The following DOCK5 variants were observed in gnomAD, a reference collection of about 807,000 sequenced individuals.
DOCK5 encodes the protein dedicator of cytokinesis protein 5.
DOCK5 carries 142 observed loss-of-function variants against 251.8 expected under a neutral mutation model. That is an observed-to-expected ratio of 0.56 (90% CI 0.49 to 0.65). DOCK5 has a LOEUF of 0.65. Ranked by LOEUF, DOCK5 falls within the 30% of genes least tolerant of loss-of-function variation. The pLI is 0.00. For synonymous variants in DOCK5, 842 were observed against 835.5 expected (o/e 1.01, Z -0.13); for missense variants, 2,111 against 2,312.3 (o/e 0.91, Z 1.79).
intron 1 of DOCK5, among the ~76,000 whole-genome samples, chr8:25,191,917 C>A: frequency 9.5e-6 from 1 of 105,348 alleles, no homozygotes; most frequent in Non-Finnish European, 1.8e-5. Flanking sequence ...TCCCTCCCCC[C>A]TCCCCCCACC....
chr8:25,380,447 A>T (rs17053525), intron 39 of DOCK5, 53 bp downstream of exon 39: 6 of 1,435,196 alleles, frequency 4.2e-6, no homozygotes, highest in Non-Finnish European at 4.8e-6. Flanking sequence ...TAAAATTAGC[A>T]CTCATGAAAA....
intron 38 of DOCK5, among the ~76,000 whole-genome samples, chr8:25,379,220 AC>A (rs1205508555): frequency 1.3e-5 from 2 of 152,252 alleles, no homozygotes; most frequent in Admixed American, 6.5e-5. Flanking sequence ...GAATTTCCCA[AC>A]CCTAGTAAAC....
At chr8:25,370,013 G>T (rs537541657) in intron 34 of DOCK5, among the ~76,000 whole-genome samples, 11 of 152,336 alleles carry the variant, frequency 7.2e-5, no homozygotes, top group African/African-American at 2.6e-4. Flanking sequence ...AAGGTCTGCT[G>T]TGTATGTAAA....
At chr8:25,245,678 T>C (rs1803083797) in intron 2 of DOCK5, among the ~76,000 whole-genome samples, 1 of 152,046 alleles carries the variant, frequency 6.6e-6, no homozygotes, top group Non-Finnish European at 1.5e-5. Flanking sequence ...TAGCTGAGAT[T>C]ACAGGCATAT....
chr8:25,362,462 C>CTTTTCTTTT (rs1800703206), intron 28 of DOCK5, among the ~76,000 whole-genome samples: 2 of 54,636 alleles, frequency 3.7e-5, no homozygotes, highest in African/African-American at 1.2e-4. Flanking sequence ...CTTTTCTTTT[C>CTTTTCTTTT]TTTTTTTTTT....
At chr8:25,351,241 G>C (rs1047146765) in intron 26 of DOCK5, among the ~76,000 whole-genome samples, 1 of 152,036 alleles carries the variant, frequency 6.6e-6, no homozygotes. Flanking sequence ...GTATTTTTTA[G>C]TAGAGACGGG....
In DOCK5 at chr8:25,184,837, G is replaced by GGGC. The variant is rs538644542; in HGVS notation, c.-62_-60dup. 5,252 of 1,246,588 alleles carry GGGC rather than the reference G, an allele frequency of 4.2e-3. 20 individuals are homozygous for GGGC. Among genetic ancestry groups the GGGC allele is most frequent in the Admixed American group, 0.023 (547 of 23,724 alleles). 77.2% of individuals were successfully genotyped at this position (1,246,588 alleles called of 1,614,324 possible). A position where few individuals can be genotyped will look rare whatever the true frequency, so the allele number is the denominator to read the frequency against. ...AGCGTCTGGGGCACGCAGGAGCGCGGGGCGGCGGCGGCCGGAGCCCGAGGA... is the reference window on the plus strand; with the variant it reads ...AGCGTCTGGGGCACGCAGGAGCGCGGGGCGGCGGCGGCGGCCGGAGCCCGAGGA... On this transcript the variant is annotated 5_prime_UTR_variant, in exon 1 of 52. Coordinates refer to ENST00000276440, the MANE Select transcript of DOCK5 (RefSeq NM_024940.8).
At chr8:25,382,875 C>T (rs1801094361) in intron 40 of DOCK5, 97 bp downstream of exon 40, 11 of 987,508 alleles carry the variant, frequency 1.1e-5, no homozygotes, top group East Asian at 5.4e-5. Flanking sequence ...GCTGCCGACC[C>T]GTGTTCTCGC....
At chr8:25,262,645 A>T (rs1290588992) in intron 2 of DOCK5, among the ~76,000 whole-genome samples, 1 of 152,166 alleles carries the variant, frequency 6.6e-6, no homozygotes, top group Non-Finnish European at 1.5e-5. Context: ...TCGAATTCTG[A>T]GGAGTTTCAA....
At chr8:25,404,233 A>G (rs370248430) in intron 48 of DOCK5, among the ~76,000 whole-genome samples, 2 of 152,110 alleles carry the variant, frequency 1.3e-5, no homozygotes, top group Non-Finnish European at 2.9e-5. Flanking sequence ...CTTTTTTTAT[A>G]TGAATGGTAG....
intron 27 of DOCK5, among the ~76,000 whole-genome samples, chr8:25,356,207 C>G (rs1800566715): frequency 6.6e-6 from 1 of 151,690 alleles, no homozygotes; most frequent in South Asian, 2.1e-4. Flanking sequence ...TCGAAAAAAA[C>G]AAAAAATACA....
At chr8:25,313,538 C>T (rs972626094) in intron 13 of DOCK5, among the ~76,000 whole-genome samples, 1 of 152,210 alleles carries the variant, frequency 6.6e-6, no homozygotes, top group Non-Finnish European at 1.5e-5. Context: ...GTTGAAGTTC[C>T]TTGTTATTTG....
At chr8:25,190,899 T>C (rs2117440310) in intron 1 of DOCK5, among the ~76,000 whole-genome samples, 1 of 149,794 alleles carries the variant, frequency 6.7e-6, no homozygotes, top group Admixed American at 6.7e-5. Flanking sequence ...TTCTCCTGCC[T>C]CAGCCTCCCG....
At chr8:25,405,050 T>C (rs1442885085) in intron 48 of DOCK5, among the ~76,000 whole-genome samples, 1 of 152,228 alleles carries the variant, frequency 6.6e-6, no homozygotes, top group Non-Finnish European at 1.5e-5. Context: ...TCAAATACTT[T>C]TTTCTGTTGA....
intron 1 of DOCK5, among the ~76,000 whole-genome samples, chr8:25,240,160 T>C (rs1283099125): frequency 1.3e-5 from 2 of 152,118 alleles, no homozygotes; most frequent in Non-Finnish European, 2.9e-5. Flanking sequence ...ATGGGAGCCT[T>C]ATGGGTTCCT....
chr8:25,395,883 C>T (rs1375087373), intron 45 of DOCK5, 164 bp downstream of exon 45: 1 of 909,314 alleles, frequency 1.1e-6, no homozygotes, highest in South Asian at 1.4e-5. Context: ...TCCCTGACTT[C>T]TTAGAGACTA....
intron 1 of DOCK5, among the ~76,000 whole-genome samples, chr8:25,238,427 G>A (rs1802855982): frequency 6.6e-6 from 1 of 152,200 alleles, no homozygotes. Context: ...GATATGGAGG[G>A]CATACTACCA....
At chr8:25,405,068 G>C (rs939007577) in intron 48 of DOCK5, among the ~76,000 whole-genome samples, 1 of 151,692 alleles carries the variant, frequency 6.6e-6, no homozygotes, top group African/African-American at 2.4e-5. Flanking sequence ...TGAATTGTTG[G>C]CCCTTTGTCT....
At chr8:25,320,880 G>A (rs1243219681) in intron 15 of DOCK5, 100 bp from the exon 16 acceptor site, 1 of 983,868 alleles carries the variant, frequency 1.0e-6, no homozygotes, top group African/African-American at 1.6e-5. Flanking sequence ...CTAGTAATTT[G>A]TGCTGTGGAA....
Sources: gnomAD v4.1 joint callset for allele counts (sites outside exome capture counted in the v4.1 genomes callset) on GRCh38, gnomAD v4.1.1 for gene constraint, MANE v1.5 for transcripts, NCBI Gene and HGNC (gene_info 2026-07-23, HGNC 2026-07-21) for gene names.